Variants in FAM118B observed in about 807,000 individuals in gnomAD.
FAM118B encodes SIR2 antiphage like 1, also known as protein FAM118B.
In FAM118B, 24 loss-of-function variants were observed where a neutral mutation model predicts 38.5. The observed-to-expected ratio is 0.62, with a 90% CI of 0.45 to 0.88. The LOEUF (loss-of-function observed/expected upper bound fraction) is 0.88, where lower values mean the gene tolerates loss of function less well. Ranked by LOEUF, FAM118B falls within the 40% of genes least tolerant of loss-of-function variation. FAM118B has a pLI of 0.00. For synonymous variants in FAM118B, 138 were observed against 156.3 expected (o/e 0.88, Z 0.87); for missense variants, 334 against 420.0 (o/e 0.80, Z 1.79).
At chr11:126,261,587 A>G in intron 8 of FAM118B, 103 bp downstream of exon 8, 1 of 856,762 alleles carries the variant, frequency 1.2e-6, no homozygotes, top group South Asian at 1.5e-5. Context: ...TCACATTGCC[A>G]AATTTTAAAA....
rs1037037705 is a variant in FAM118B at position 126,222,765 on chromosome 11, C to T, written c.-76-6460C>T. 2.0e-5 allele frequency among the ~76,000 whole-genome samples: 3 copies of T among 152,208 alleles called. No individual in the cohort carries two copies. The South Asian group carries it at 6.2e-4, about 32-fold the overall frequency. On this transcript the variant is annotated intron_variant, in intron 1 of 8. Coordinates refer to ENST00000533050, the MANE Select transcript of FAM118B (RefSeq NM_024556.4). Reference sequence around the variant, plus strand: ...CTTTAATTAATGGTAGATACACACTCATTCCATCAGCGAATGTTTGAACTT... The same window carrying T: ...CTTTAATTAATGGTAGATACACACTTATTCCATCAGCGAATGTTTGAACTT...
chr11:126,230,244 G>C (rs574011510), intron 2 of FAM118B, among the ~76,000 whole-genome samples: 2 of 152,310 alleles, frequency 1.3e-5, no homozygotes, highest in East Asian at 3.9e-4. Flanking sequence ...CCCAAGCAAA[G>C]TCTTTAGGAT....
Position 126,211,797 on chromosome 11 carries a change from TGCAGCTGGA to T in FAM118B, c.-105_-97del. On this transcript the variant is annotated 5_prime_UTR_variant, in exon 1 of 9. Transcript: ENST00000533050. ...CAGTGCGGCTGCGCCGGCCGGTAGCTGCAGCTGGAGCAGTGGCGTTTGGAGGAGACTCGG... is the reference window on the plus strand; with the variant it reads ...CAGTGCGGCTGCGCCGGCCGGTAGCTGCAGTGGCGTTTGGAGGAGACTCGG... The T allele has an allele frequency of 1.3e-6, 1 of 750,584 alleles. No individual in the cohort carries two copies. Among genetic ancestry groups the T allele is most frequent in the Non-Finnish European group, 2.1e-6 (1 of 469,484 alleles). 46.5% of individuals were successfully genotyped at this position (750,584 alleles called of 1,614,324 possible).
chr11:126,261,207 A>T (rs1241455652), intron 7 of FAM118B: 4 of 561,500 alleles, frequency 7.1e-6, no homozygotes, highest in African/African-American at 3.7e-5. Context: ...ATCGTAGTGC[A>T]CTGTGGAAAC....
chr11:126,241,043 C>T lies in FAM118B; in HGVS notation c.338C>T (p.Pro113Leu), dbSNP rs764392410. 6.3e-7 allele frequency: 1 copy of T among 1,590,106 alleles called. No homozygotes were observed. Among genetic ancestry groups the T allele is most frequent in the Non-Finnish European group, 8.6e-7 (1 of 1,167,238 alleles). Residue 113 changes from proline to leucine, a missense_variant and splice_region_variant, in exon 4 of 9, where the codon CCT (proline) becomes CTT (leucine). Coordinates refer to ENST00000533050, the MANE Select transcript of FAM118B (RefSeq NM_024556.4). ...VAHDLIQKLS[P>L]RTSNVRSTFF... The stretch of plus-strand genomic sequence containing the variant: ...CATGACCTTATCCAGAAACTCTCTC[C>T]TGTGAGTACCCTAGTATGTGCCACA...
Position 126,262,243 on chromosome 11 carries a change from T to C in FAM118B, c.*110T>C, listed in dbSNP as rs755486902. The C allele has an allele frequency of 1.5e-4, 186 of 1,228,654 alleles. No individual in the cohort carries two copies. The highest frequency in any genetic ancestry group is 3.8e-4 in the Middle Eastern group (2 of 5,302). The allele number at this position is 1,228,654 out of a possible 1,614,324, so 76.1% of individuals were successfully genotyped here. ...CAACACAATTCCCAGAAAGTAACAATAGCCAGAGGTTGAAGGGCGGGGTAG... is the reference window on the plus strand; with the variant it reads ...CAACACAATTCCCAGAAAGTAACAACAGCCAGAGGTTGAAGGGCGGGGTAG... On this transcript the variant is annotated 3_prime_UTR_variant, in exon 9 of 9. Coordinates refer to ENST00000533050, the MANE Select transcript of FAM118B (RefSeq NM_024556.4).
chr11:126,213,575 C>G (rs1218704066), intron 1 of FAM118B, among the ~76,000 whole-genome samples: 4 of 152,234 alleles, frequency 2.6e-5, no homozygotes, highest in Admixed American at 2.6e-4. Flanking sequence ...TCCAAGGACC[C>G]TGAAGTTTTG....
chr11:126,214,501 T>TTTTTTTTTTTTTTTC (rs1949947012), intron 1 of FAM118B: 1 of 89,892 alleles, frequency 1.1e-5, no homozygotes, highest in Non-Finnish European at 2.2e-5. Flanking sequence ...TTTTTTTTTT[T>TTTTTTTTTTTTTTTC]TGTTTTTTTT....
At chr11:126,248,822 A>G (rs1033986118) in intron 4 of FAM118B, among the ~76,000 whole-genome samples, 3 of 152,196 alleles carry the variant, frequency 2.0e-5, no homozygotes, top group African/African-American at 4.8e-5. Flanking sequence ...TAAGTTTCCA[A>G]CACATGAACG....
At chr11:126,212,070 G>T (rs1350759804) in intron 1 of FAM118B, among the ~76,000 whole-genome samples, 1 of 152,192 alleles carries the variant, frequency 6.6e-6, no homozygotes, top group African/African-American at 2.4e-5. Flanking sequence ...CTTAGCCACT[G>T]AATCTCCGGT....
Position 126,262,158 on chromosome 11 carries a change from T to G in FAM118B, c.*25T>G. 6.2e-7 allele frequency: 1 copy of G among 1,613,366 alleles called. No homozygotes were observed. The highest frequency in any genetic ancestry group is 8.5e-7 in the Non-Finnish European group (1 of 1,179,396). ...AGCGAGCTAGAGAAATCACCACCGT[T>G]TAGACCAAGCTGTAAGGCCCTACTA... On this transcript the variant is annotated 3_prime_UTR_variant, in exon 9 of 9. Transcript: ENST00000533050.
intron 1 of FAM118B, among the ~76,000 whole-genome samples, chr11:126,225,069 G>T (rs943290570): frequency 6.6e-6 from 1 of 152,170 alleles, no homozygotes; most frequent in Non-Finnish European, 1.5e-5. Context: ...CCAATTTCTA[G>T]ATCTCCAGAT....
At chr11:126,218,701 C>T (rs924438984) in intron 1 of FAM118B, among the ~76,000 whole-genome samples, 6 of 152,082 alleles carry the variant, frequency 3.9e-5, no homozygotes, top group African/African-American at 1.2e-4. Context: ...AAGTTCCCAG[C>T]GTGGGTCTTG....
intron 1 of FAM118B, among the ~76,000 whole-genome samples, chr11:126,222,552 A>G (rs1950077781): frequency 6.6e-6 from 1 of 152,234 alleles, no homozygotes; most frequent in Non-Finnish European, 1.5e-5. Context: ...TCTTGTTGTT[A>G]GGAAGGAAAA....
rs626512 is a variant in FAM118B, at chr11:126,245,997, A to C, written c.340-4509A>C. Among the ~76,000 whole-genome samples the C allele has an allele frequency of 1.4e-4, 20 of 142,890 alleles. 1 individual carries two copies. The highest frequency in any genetic ancestry group is 4.2e-4 in the Admixed American group (6 of 14,206). 93.7% of individuals were successfully genotyped at this position (142,890 alleles called of 152,430 possible). On this transcript the variant is annotated intron_variant, in intron 4 of 8. Coordinates refer to ENST00000533050, the MANE Select transcript of FAM118B (RefSeq NM_024556.4). ...GGCAACAGGTACGAGACTCCGTCCC[A>C]AAAAAAAAAAAAAGAAAGAAAGAAA...
intron 1 of FAM118B, among the ~76,000 whole-genome samples, chr11:126,218,449 C>T (rs1483071787): frequency 1.3e-5 from 2 of 152,182 alleles, no homozygotes; most frequent in Non-Finnish European, 2.9e-5. Flanking sequence ...GAAGCATTTC[C>T]CACCATCTAG....
At chr11:126,243,685 C>G (rs1224322873) in intron 4 of FAM118B, among the ~76,000 whole-genome samples, 1 of 152,040 alleles carries the variant, frequency 6.6e-6, no homozygotes, top group Non-Finnish European at 1.5e-5. Flanking sequence ...GGGCAGATCA[C>G]TTGAGGTCAG....
At chr11:126,238,136 C>T (rs1211170180) in intron 3 of FAM118B, among the ~76,000 whole-genome samples, 11 of 151,906 alleles carry the variant, frequency 7.2e-5, no homozygotes, top group Non-Finnish European at 2.9e-5. Context: ...CCAAGGCAGG[C>T]GGATCACTTG....
intron 7 of FAM118B, among the ~76,000 whole-genome samples, chr11:126,257,849 C>T (rs1060704): frequency 6.6e-6 from 1 of 152,150 alleles, no homozygotes; most frequent in African/African-American, 2.4e-5. Flanking sequence ...CCTCCACATT[C>T]TAACAATAAA....
Sources: allele counts gnomAD v4.1 joint callset (sites outside exome capture counted in the v4.1 genomes callset), GRCh38; gene constraint gnomAD v4.1.1; transcripts MANE v1.5; gene names NCBI Gene and HGNC (gene_info 2026-07-23, HGNC 2026-07-21).